The following THSD7B variants were observed in gnomAD, a reference collection of about 807,000 sequenced individuals.
The protein encoded by THSD7B is thrombospondin type 1 domain containing 7B.
THSD7B carries 138 observed loss-of-function variants against 213.6 expected under a neutral mutation model. The ratio of observed to expected loss-of-function variants is 0.65; its 90% CI spans 0.56 to 0.74. The LOEUF (loss-of-function observed/expected upper bound fraction) is 0.74. THSD7B is among the 30% of genes least tolerant of loss of function. The pLI, the probability that THSD7B is intolerant of heterozygous loss-of-function variation, is 0.00. For missense variants in THSD7B, 1,931 were observed against 1,991.5 expected (o/e 0.97, Z 0.58); for synonymous variants, 742 against 687.0 (o/e 1.08, Z -1.25).
chr2:136,856,288 A>G (rs1016642699), intron 1 of THSD7B, among the ~76,000 whole-genome samples: 4 of 152,120 alleles, frequency 2.6e-5, no homozygotes, highest in African/African-American at 9.7e-5. Context: ...GACTGTTAGG[A>G]AAGGTTGAGG....
chr2:137,256,564 G>A (rs1358881869), intron 10 of THSD7B, among the ~76,000 whole-genome samples: 2 of 152,114 alleles, frequency 1.3e-5, no homozygotes, highest in Non-Finnish European at 2.9e-5. Context: ...CCCATATGGG[G>A]GAATGATAAG....
chr2:137,459,720 C>T (rs1205315273), intron 15 of THSD7B, among the ~76,000 whole-genome samples: 1 of 151,750 alleles, frequency 6.6e-6, no homozygotes, highest in African/African-American at 2.4e-5. Flanking sequence ...AGGAACCTAT[C>T]TAGGTCTTTT....
In THSD7B at chr2:137,453,351, A is replaced by G. The variant is rs1338632583; in HGVS notation, c.3138+2328A>G. On this transcript the variant is annotated intron_variant, in intron 15 of 27. Coordinates refer to ENST00000409968, the MANE Select transcript of THSD7B (RefSeq NM_001316349.2). ...CTTTTTTTTTTTTTTTTTTTTTGAG[A>G]CAGAGTCTCACTCTGTCTCCCAGGC... Among the ~76,000 whole-genome samples, 3 of 55,612 alleles carry G rather than the reference A, an allele frequency of 5.4e-5. 1 individual carries two copies. In the East Asian group the frequency reaches 1.4e-3, roughly 26 times the overall value. 36.5% of individuals were successfully genotyped at this position (55,612 alleles called of 152,430 possible).
intron 7 of THSD7B, among the ~76,000 whole-genome samples, chr2:137,228,611 A>G (rs978298344): frequency 2.0e-5 from 3 of 152,130 alleles, no homozygotes; most frequent in Non-Finnish European, 4.4e-5. Flanking sequence ...GTATTTTCCT[A>G]CCTAACCTTT....
At chr2:137,310,721 A>G (rs1399418368) in intron 12 of THSD7B, among the ~76,000 whole-genome samples, 1 of 151,994 alleles carries the variant, frequency 6.6e-6, no homozygotes, top group African/African-American at 2.4e-5. Flanking sequence ...CTTTCTACAT[A>G]TGGCTAGCCA....
chr2:137,080,281 A>ACC (rs1312134890), intron 3 of THSD7B, among the ~76,000 whole-genome samples: 6 of 151,154 alleles, frequency 4.0e-5, no homozygotes, highest in Non-Finnish European at 7.4e-5. Flanking sequence ...GCTCACTGCA[A>ACC]CCTCTGCCTC....
chr2:137,162,842 C>T (rs1680045471), intron 6 of THSD7B, among the ~76,000 whole-genome samples: 1 of 152,080 alleles, frequency 6.6e-6, no homozygotes, highest in Non-Finnish European at 1.5e-5. Flanking sequence ...TCACCACAAC[C>T]TCTGCCTCCT....
chr2:137,160,259 G>A lies in THSD7B; in HGVS notation c.1416G>A (p.Leu472=), dbSNP rs1679991452. 7 of 1,613,622 alleles carry A rather than the reference G, an allele frequency of 4.3e-6. No individual in the cohort carries two copies. The highest frequency in any genetic ancestry group is 5.9e-6 in the Non-Finnish European group (7 of 1,179,690). The change falls in exon 6 of 28, where the codon TTG becomes TTA. Residue 472 remains leucine (L), a synonymous_variant. Transcript: ENST00000409968. The stretch of plus-strand genomic sequence containing the variant: ...CATTATGTGTGGGACCCGCCCCGTT[G>A]CCCTCTCAGCTCTGCAATATCCCTT... The part of the protein sequence containing the change: ...EKALCVGPAP[L]PSQLCNIPCS...
intron 12 of THSD7B, among the ~76,000 whole-genome samples, chr2:137,319,117 T>C (rs1432993148): frequency 6.6e-6 from 1 of 152,168 alleles, no homozygotes; most frequent in African/African-American, 2.4e-5. Flanking sequence ...AAAATATCTT[T>C]CTATACTCTC....
In THSD7B at chr2:137,061,043, A is replaced by T. The variant is rs186934608; in HGVS notation, c.950+3813A>T. On this transcript the variant is annotated intron_variant, in intron 3 of 27. Coordinates refer to ENST00000409968, the MANE Select transcript of THSD7B (RefSeq NM_001316349.2). ...TTGTCAGGGTCTTGGAGGGTTTTTT[A>T]AAAAAAATATATCTTGTACATATTG... is the stretch of plus-strand genomic sequence containing the variant. 6.6e-3 allele frequency among the ~76,000 whole-genome samples: 996 copies of T among 151,608 alleles called. 5 individuals are homozygous for T. The highest frequency in any genetic ancestry group is 0.012 in the Admixed American group (180 of 15,220).
At chr2:137,546,462 TAATATATATATATATAATATA>T in intron 15 of THSD7B, among the ~76,000 whole-genome samples, 1 of 23,230 alleles carries the variant, frequency 4.3e-5, no homozygotes, top group East Asian at 8.4e-4. Flanking sequence ...ATATTATATA[TAATATATATATATATAATATA>T]TATATATATA....
At chr2:137,183,058 G>A (rs1680484549) in intron 7 of THSD7B, among the ~76,000 whole-genome samples, 1 of 152,060 alleles carries the variant, frequency 6.6e-6, no homozygotes, top group African/African-American at 2.4e-5. Context: ...TGAATTGGTG[G>A]TATCAGTTAG....
chr2:137,488,713 G>A (rs1688530617), intron 15 of THSD7B, among the ~76,000 whole-genome samples: 2 of 152,096 alleles, frequency 1.3e-5, no homozygotes, highest in Admixed American at 1.3e-4. Context: ...TCAATTTTTG[G>A]AGAATGAAAC....
At chr2:137,075,901 G>T (rs1411383673) in intron 3 of THSD7B, among the ~76,000 whole-genome samples, 1 of 152,114 alleles carries the variant, frequency 6.6e-6, no homozygotes, top group Non-Finnish European at 1.5e-5. Context: ...CTGAACAGTG[G>T]ATTTTGGTGA....
At chr2:137,561,462 T>A (rs1350395001) in intron 15 of THSD7B, among the ~76,000 whole-genome samples, 1 of 152,174 alleles carries the variant, frequency 6.6e-6, no homozygotes, top group African/African-American at 2.4e-5. Flanking sequence ...AAGTTTTTCA[T>A]CCAGCCCTGT....
intron 3 of THSD7B, among the ~76,000 whole-genome samples, chr2:137,091,351 G>A (rs1687945228): frequency 6.6e-6 from 1 of 151,996 alleles, no homozygotes; most frequent in South Asian, 2.1e-4. Flanking sequence ...TCTTTATGAA[G>A]GGAAAAATGA....
chr2:137,129,508 C>G (rs962698229), intron 5 of THSD7B, among the ~76,000 whole-genome samples: 1 of 151,830 alleles, frequency 6.6e-6, no homozygotes, highest in Non-Finnish European at 1.5e-5. Flanking sequence ...GGCGCCATAT[C>G]AGGTTACTGT....
intron 15 of THSD7B, among the ~76,000 whole-genome samples, chr2:137,554,839 C>T (rs935310050): frequency 6.6e-6 from 1 of 152,162 alleles, no homozygotes; most frequent in Non-Finnish European, 1.5e-5. Context: ...AAAATCGGGT[C>T]ACTCCCACCT....
intron 2 of THSD7B, among the ~76,000 whole-genome samples, chr2:136,997,271 C>T (rs568851512): frequency 6.6e-6 from 1 of 152,266 alleles, no homozygotes; most frequent in South Asian, 2.1e-4. Context: ...CATCTTTAGT[C>T]AAAATCCTAC....
Sources: allele counts gnomAD v4.1 joint callset (sites outside exome capture counted in the v4.1 genomes callset), GRCh38; gene constraint gnomAD v4.1.1; transcripts MANE v1.5; gene names NCBI Gene and HGNC (gene_info 2026-07-23, HGNC 2026-07-21).